Variants in IQSEC1 observed in about 807,000 individuals in gnomAD.
IQSEC1 encodes the protein IQ motif and SEC7 domain-containing protein 1.
In IQSEC1, 31 loss-of-function variants were observed where a neutral mutation model predicts 91.0. The ratio of observed to expected loss-of-function variants is 0.34; its 90% CI spans 0.26 to 0.46. The LOEUF (loss-of-function observed/expected upper bound fraction) is 0.46. Among genes scored for constraint, IQSEC1 ranks in the 20% least tolerant of loss-of-function variants. IQSEC1 has a pLI of 1.00. For missense variants in IQSEC1, 1,388 were observed against 1,575.6 expected, an observed-to-expected ratio of 0.88 and a Z score of 2.02; for synonymous variants, 699 against 662.6, an observed-to-expected ratio of 1.05 and a Z score of -0.84.
intron 2 of IQSEC1, among the ~76,000 whole-genome samples, chr3:13,146,058 G>A (rs1454294714): frequency 3.3e-5 from 5 of 152,018 alleles, no homozygotes; most frequent in South Asian, 2.1e-4. Context: ...TGCAATCATC[G>A]CTCACTGCAG....
At chr3:13,087,554 G>C (rs1321260445) in intron 2 of IQSEC1, among the ~76,000 whole-genome samples, 1 of 152,206 alleles carries the variant, frequency 6.6e-6, no homozygotes, top group Non-Finnish European at 1.5e-5. Context: ...AATTTGCTAA[G>C]AGCCTCTGCA....
At chr3:13,263,761 A>T (rs1695436124) in intron 1 of IQSEC1, among the ~76,000 whole-genome samples, 1 of 151,780 alleles carries the variant, frequency 6.6e-6, no homozygotes, top group Non-Finnish European at 1.5e-5. Context: ...TTTTTTTTAA[A>T]GTAGGTACTC....
At position 12,899,421 on chromosome 3, in the gene IQSEC1, T is replaced by TC; in HGVS notation, c.*1561dup. On this transcript the variant is annotated 3_prime_UTR_variant, in exon 14 of 14. Coordinates refer to ENST00000613206, the MANE Select transcript of IQSEC1 (RefSeq NM_001134382.3). The stretch of plus-strand genomic sequence containing the variant: ...GCACAGCACTGACGGCTGCAGTGGC[T>TC]CGAAAGGCTGAAACTACAAAGTATG... 1 of 1,611,610 alleles carries TC rather than the reference T, an allele frequency of 6.2e-7. No individual in the cohort carries two copies. Among genetic ancestry groups the TC allele is most frequent in the Non-Finnish European group, 8.5e-7 (1 of 1,179,438 alleles).
In IQSEC1 at chr3:12,899,611, G is replaced by A. The variant is rs148035852; in HGVS notation, c.*1372C>T. The A allele has an allele frequency of 5.3e-5, 52 of 985,432 alleles. No individual in the cohort carries two copies. Among genetic ancestry groups the A allele is most frequent in the Admixed American group, 6.1e-5 (1 of 16,292 alleles). 61.0% of individuals were successfully genotyped at this position (985,432 alleles called of 1,614,324 possible). Reference sequence around the variant, plus strand: ...GCAGCGGGGGCTCCGCCGGGCACTCGTCGGCTGGGGTCACACGGGCCACGG... The same window carrying A: ...GCAGCGGGGGCTCCGCCGGGCACTCATCGGCTGGGGTCACACGGGCCACGG... On this transcript the variant is annotated 3_prime_UTR_variant, in exon 14 of 14. Coordinates refer to ENST00000613206, the MANE Select transcript of IQSEC1 (RefSeq NM_001134382.3).
At chr3:13,002,255 A>C (rs1702450856) in intron 1 of IQSEC1, among the ~76,000 whole-genome samples, 1 of 152,238 alleles carries the variant, frequency 6.6e-6, no homozygotes, top group African/African-American at 2.4e-5. Context: ...CATAAGAAGA[A>C]ATCTTTGTGA....
intron 2 of IQSEC1, among the ~76,000 whole-genome samples, chr3:13,135,286 C>T (rs1382662551): frequency 6.6e-6 from 1 of 152,214 alleles, no homozygotes; most frequent in East Asian, 1.9e-4. Context: ...CAGTCATGGT[C>T]TAAAGGGATT....
rs146918791 is a variant in IQSEC1, at chr3:13,182,394, A to G, written c.273-18261T>C. On this transcript the variant is annotated intron_variant, in intron 1 of 15. Coordinates refer to the IQSEC1 transcript ENST00000648114. ...GAGCCACAATGACTTGTCCAAGGAT[A>G]ATAATAATATTCATGGTAAAAATAT... is the stretch of plus-strand genomic sequence containing the variant. Among the ~76,000 whole-genome samples, 33 of 152,330 alleles carry G rather than the reference A, an allele frequency of 2.2e-4. No homozygotes were observed. The East Asian group carries it at 5.8e-3, about 27-fold the overall frequency.
intron 12 of IQSEC1, among the ~76,000 whole-genome samples, chr3:12,907,897 C>G (rs1695150563): frequency 6.6e-6 from 1 of 152,192 alleles, no homozygotes; most frequent in African/African-American, 2.4e-5. Context: ...GGAGGCCCCG[C>G]AGGGAAAGCA....
At chr3:12,976,824 C>T (rs1387747420) in intron 1 of IQSEC1, among the ~76,000 whole-genome samples, 2 of 152,188 alleles carry the variant, frequency 1.3e-5, no homozygotes, top group Non-Finnish European at 2.9e-5. Flanking sequence ...CACTCTAGTT[C>T]AGGGACCACC....
intron 1 of IQSEC1, among the ~76,000 whole-genome samples, chr3:13,064,796 T>G (rs1705180330): frequency 6.6e-6 from 1 of 152,244 alleles, no homozygotes; most frequent in African/African-American, 2.4e-5. Context: ...CCCATAAATA[T>G]CTGTGTGGAT....
At position 12,984,013 on chromosome 3, in the gene IQSEC1, G is replaced by A. The variant is rs951740127; in HGVS notation, c.24-42148C>T. ...GTAAACAGATGGTCTGCACAGAGCTGTCCTGACCCAAGGTACAGAGTGCCA... is the reference window on the plus strand; with the variant it reads ...GTAAACAGATGGTCTGCACAGAGCTATCCTGACCCAAGGTACAGAGTGCCA... On this transcript the variant is annotated intron_variant, in intron 1 of 13. Coordinates refer to ENST00000613206, the MANE Select transcript of IQSEC1 (RefSeq NM_001134382.3). Among the ~76,000 whole-genome samples the A allele has an allele frequency of 6.6e-5, 10 of 152,158 alleles. No homozygotes were observed. The East Asian group carries it at 1.9e-3, about 29-fold the overall frequency.
intron 2 of IQSEC1, among the ~76,000 whole-genome samples, chr3:13,128,325 A>G (rs1179414845): frequency 6.6e-6 from 1 of 152,188 alleles, no homozygotes; most frequent in Admixed American, 6.5e-5. Flanking sequence ...TCCTTTATAA[A>G]GTTGAGGAAG....
rs558478652 is a variant in IQSEC1 at position 12,994,786 on chromosome 3, C to T, written c.24-52921G>A. 3.0e-4 allele frequency among the ~76,000 whole-genome samples: 46 copies of T among 152,394 alleles called. No homozygotes were observed. The highest frequency in any genetic ancestry group is 2.0e-3 in the Admixed American group (31 of 15,310). ...GGTGGGGACCTGGGCCTGCCGGTGCCGCCCCCATCCCTCAGCCGACCTCGA... is the reference window on the plus strand; with the variant it reads ...GGTGGGGACCTGGGCCTGCCGGTGCTGCCCCCATCCCTCAGCCGACCTCGA... On this transcript the variant is annotated intron_variant, in intron 1 of 13. Transcript: ENST00000613206. The surrounding 1 kb of genome is among the most constrained non-coding windows in gnomAD (Gnocchi z 4.5).
intron 1 of IQSEC1, among the ~76,000 whole-genome samples, chr3:12,950,483 G>A (rs1296351794): frequency 6.6e-6 from 1 of 152,052 alleles, no homozygotes; most frequent in Admixed American, 6.6e-5. Context: ...TTTGAGAAAC[G>A]TAGCAAGACC....
intron 2 of IQSEC1, among the ~76,000 whole-genome samples, chr3:13,139,736 C>A (rs1326444967): frequency 6.6e-6 from 1 of 152,186 alleles, no homozygotes; most frequent in East Asian, 1.9e-4. Context: ...TAAGGCAAGT[C>A]TCAAATGAGC....
At chr3:12,993,997 C>T (rs1476245216) in intron 1 of IQSEC1, among the ~76,000 whole-genome samples, 3 of 151,104 alleles carry the variant, frequency 2.0e-5, no homozygotes, top group Non-Finnish European at 4.4e-5. Context: ...GGAGGGCATT[C>T]CCGGCTGCAG....
At chr3:13,182,628 T>C (rs1472134442) in intron 1 of IQSEC1, among the ~76,000 whole-genome samples, 1 of 152,122 alleles carries the variant, frequency 6.6e-6, no homozygotes, top group Non-Finnish European at 1.5e-5. Context: ...CAAGACCACA[T>C]TCTGGGACAA....
intron 1 of IQSEC1, among the ~76,000 whole-genome samples, chr3:13,036,878 C>A (rs1704057123): frequency 6.6e-6 from 1 of 152,142 alleles, no homozygotes; most frequent in Non-Finnish European, 1.5e-5. Context: ...CAGAACTAGT[C>A]CCACATCCTG....
At chr3:13,175,175 C>G (rs1032004726) in intron 1 of IQSEC1, among the ~76,000 whole-genome samples, 1 of 152,160 alleles carries the variant, frequency 6.6e-6, no homozygotes, top group Non-Finnish European at 1.5e-5. Flanking sequence ...AGGAGCTTCC[C>G]GTGATGGCAA....
Sources: allele counts gnomAD v4.1 joint callset (sites outside exome capture counted in the v4.1 genomes callset), GRCh38; gene constraint gnomAD v4.1.1; non-coding constraint Gnocchi (gnomAD v3.1); transcripts MANE v1.5; gene names NCBI Gene and HGNC (gene_info 2026-07-23, HGNC 2026-07-21).